The following TCF12 variants were observed in gnomAD, a reference collection of about 807,000 sequenced individuals.
The protein encoded by TCF12 is DNA-binding protein HTF4.
A neutral mutation model predicts 86.0 loss-of-function variants in TCF12; 45 were observed. That is an observed-to-expected ratio of 0.52 (90% CI 0.41 to 0.67). The LOEUF is 0.67. TCF12 is among the 30% of genes least tolerant of loss of function. TCF12 has a pLI of 0.00. For synonymous variants in TCF12, 330 were observed against 299.6 expected (o/e 1.10, Z -1.05); for missense variants, 881 against 859.9 (o/e 1.02, Z -0.31).
intron 8 of TCF12, among the ~76,000 whole-genome samples, chr15:57,209,452 A>G (rs1431710334): frequency 6.6e-6 from 1 of 152,216 alleles, no homozygotes; most frequent in Non-Finnish European, 1.5e-5. Context: ...GAAAACAACA[A>G]TACAGGAATT....
chr15:57,274,054 T>C (rs981652750), intron 19 of TCF12, among the ~76,000 whole-genome samples: 1 of 152,194 alleles, frequency 6.6e-6, no homozygotes, highest in Admixed American at 6.5e-5. Flanking sequence ...CATATACTTA[T>C]ATATTGTCTT....
intron 6 of TCF12, among the ~76,000 whole-genome samples, chr15:57,188,657 T>G (rs1406820741): frequency 6.6e-6 from 1 of 152,200 alleles, no homozygotes; most frequent in Non-Finnish European, 1.5e-5. Flanking sequence ...GGCCAATTGA[T>G]TTTCAACAAG....
At chr15:57,017,972 A>AGT (rs1280577550) in intron 3 of TCF12, among the ~76,000 whole-genome samples, 2 of 152,148 alleles carry the variant, frequency 1.3e-5, no homozygotes, top group African/African-American at 4.8e-5. Context: ...AACTCCAGGG[A>AGT]GTGTAAGAAT....
At chr15:57,180,992 T>A (rs1440045530) in intron 6 of TCF12, among the ~76,000 whole-genome samples, 1 of 151,604 alleles carries the variant, frequency 6.6e-6, no homozygotes. Context: ...TTTTTTGTAT[T>A]TTTAGTGGAG....
At chr15:57,168,201 C>T (rs2055042524) in intron 6 of TCF12, among the ~76,000 whole-genome samples, 2 of 152,306 alleles carry the variant, frequency 1.3e-5, no homozygotes, top group Admixed American at 6.5e-5. Flanking sequence ...AGTATTTACA[C>T]TGCACTGTGG....
At chr15:57,184,683 T>G (rs2056562039) in intron 6 of TCF12, among the ~76,000 whole-genome samples, 1 of 152,190 alleles carries the variant, frequency 6.6e-6, no homozygotes, top group East Asian at 1.9e-4. Context: ...ATGTTCCATC[T>G]AGTGTACTAC....
chr15:57,291,093 AT>A (rs2062065392), downstream of TCF12: 1 of 152,118 alleles, frequency 6.6e-6, no homozygotes, highest in Non-Finnish European at 1.5e-5. Flanking sequence ...TGTAATCTGG[AT>A]ACAATCCCAT....
intron 3 of TCF12, among the ~76,000 whole-genome samples, chr15:56,922,368 T>TA (rs1176796389): frequency 6.6e-6 from 1 of 152,020 alleles, no homozygotes; most frequent in Admixed American, 6.5e-5. Flanking sequence ...CAGTCACTGA[T>TA]ACAATAACAT....
intron 8 of TCF12, among the ~76,000 whole-genome samples, chr15:57,223,745 A>T (rs1243890432): frequency 6.8e-6 from 1 of 147,406 alleles, no homozygotes; most frequent in African/African-American, 2.5e-5. Flanking sequence ...AAACATTTTC[A>T]GTTAATAAAA....
chr15:57,032,495 C>G (rs2066259579), intron 3 of TCF12, among the ~76,000 whole-genome samples: 1 of 152,184 alleles, frequency 6.6e-6, no homozygotes, highest in African/African-American at 2.4e-5. Flanking sequence ...CTGGCACAAT[C>G]AGGGCTCGCA....
At position 57,206,912 on chromosome 15, in the gene TCF12, A is replaced by G. The variant is rs1315267204; in HGVS notation, c.579+9087A>G. On this transcript the variant is annotated intron_variant, in intron 8 of 20. Coordinates refer to ENST00000333725, the MANE Select transcript of TCF12 (RefSeq NM_207037.2). ...TCAAGACCAGCCTAGGCAACATAGCAAGACCCTGTCTCTACAGAAAAAAAA... is the reference window on the plus strand; with the variant it reads ...TCAAGACCAGCCTAGGCAACATAGCGAGACCCTGTCTCTACAGAAAAAAAA... 2.0e-5 allele frequency among the ~76,000 whole-genome samples: 3 copies of G among 148,500 alleles called. No individual in the cohort carries two copies. In the Admixed American group the frequency reaches 2.0e-4, roughly 10 times the overall value.
intron 3 of TCF12, among the ~76,000 whole-genome samples, chr15:57,022,408 A>T (rs1375079812): frequency 1.3e-5 from 2 of 152,050 alleles, no homozygotes; most frequent in Non-Finnish European, 2.9e-5. Context: ...CATCCTTTTT[A>T]TGGCTGCGTA....
chr15:57,019,089 A>G (rs2065320185), intron 3 of TCF12, among the ~76,000 whole-genome samples: 2 of 152,234 alleles, frequency 1.3e-5, no homozygotes, highest in African/African-American at 4.8e-5. Context: ...CCTTGGTAGA[A>G]AAGAGTTTTT....
intron 8 of TCF12, among the ~76,000 whole-genome samples, chr15:57,210,805 A>G (rs887043969): frequency 2.0e-5 from 3 of 152,116 alleles, no homozygotes; most frequent in Admixed American, 1.3e-4. Context: ...CCCTTACTTT[A>G]TCCTGTAAAC....
At chr15:56,987,665 T>G (rs1434772719) in intron 3 of TCF12, among the ~76,000 whole-genome samples, 1 of 152,244 alleles carries the variant, frequency 6.6e-6, no homozygotes, top group African/African-American at 2.4e-5. Flanking sequence ...ATTTTTACAT[T>G]TTAATGAGAT....
intron 8 of TCF12, among the ~76,000 whole-genome samples, chr15:57,216,960 A>C (rs1376732950): frequency 3.3e-5 from 5 of 152,116 alleles, no homozygotes; most frequent in Admixed American, 1.3e-4. Flanking sequence ...ATGAGATTTT[A>C]ATATCATATA....
chr15:57,233,075 GTTT>G (rs35931406), intron 11 of TCF12, among the ~76,000 whole-genome samples: 1 of 139,534 alleles, frequency 7.2e-6, no homozygotes, highest in Non-Finnish European at 1.6e-5. Flanking sequence ...GTATATGTGT[GTTT>G]TTTATATATG....
chr15:57,244,403 G>GA lies in TCF12; in HGVS notation c.1114+860dup, dbSNP rs1247242503. Among the ~76,000 whole-genome samples the GA allele has an allele frequency of 2.6e-5, 4 of 151,352 alleles. No homozygotes were observed. In the East Asian group the frequency reaches 5.8e-4, roughly 22 times the overall value. On this transcript the variant is annotated intron_variant, in intron 13 of 20. Coordinates refer to ENST00000333725, the MANE Select transcript of TCF12 (RefSeq NM_207037.2). ...GGAATGATGTGGTTTTTCTGCCGAGGAAAAAAACTCTCTGTGAAGGTGGAT... is the reference window on the plus strand; with the variant it reads ...GGAATGATGTGGTTTTTCTGCCGAGGAAAAAAAACTCTCTGTGAAGGTGGAT...
intron 3 of TCF12, among the ~76,000 whole-genome samples, chr15:57,029,646 C>T (rs958563260): frequency 3.9e-5 from 6 of 152,128 alleles, no homozygotes; most frequent in African/African-American, 1.2e-4. Flanking sequence ...TAAACTTTGA[C>T]ATGTGTAGCT....
Sources: gnomAD v4.1 joint callset for allele counts (sites outside exome capture counted in the v4.1 genomes callset) on GRCh38, gnomAD v4.1.1 for gene constraint, MANE v1.5 for transcripts, NCBI Gene and HGNC (gene_info 2026-07-23, HGNC 2026-07-21) for gene names.